Variants in NR1H4 observed in about 807,000 individuals in gnomAD.
The protein encoded by NR1H4 is bile acid receptor.
A neutral mutation model predicts 58.5 loss-of-function variants in NR1H4; 23 were observed. The ratio of observed to expected loss-of-function variants is 0.39; its 90% CI spans 0.28 to 0.56. NR1H4 has a LOEUF of 0.56. Among genes scored for constraint, NR1H4 ranks in the 20% least tolerant of loss-of-function variants. NR1H4 has a pLI of 0.58. For missense variants in NR1H4, 487 were observed against 576.9 expected, an observed-to-expected ratio of 0.84 and a Z score of 1.60; for synonymous variants, 214 against 198.0, an observed-to-expected ratio of 1.08 and a Z score of -0.68.
At position 100,513,937 on chromosome 12, in the gene NR1H4, T is replaced by C. The variant is rs73378099; in HGVS notation, c.445+2794T>C. Reference sequence around the variant, plus strand: ...TTAAAATAAACAAAAATAAAACTTCTACAGTTAGGTTTGAGAAACCAACTG... The same window carrying C: ...TTAAAATAAACAAAAATAAAACTTCCACAGTTAGGTTTGAGAAACCAACTG... On this transcript the variant is annotated intron_variant, in intron 4 of 10. Transcript: ENST00000392986. 3.8e-3 allele frequency among the ~76,000 whole-genome samples: 586 copies of C among 152,300 alleles called. 6 individuals carry two copies. The highest frequency in any genetic ancestry group is 0.013 in the African/African-American group (560 of 41,556).
intron 8 of NR1H4, 140 bp downstream of exon 8, chr12:100,537,187 C>T: frequency 1.6e-6 from 1 of 627,446 alleles, no homozygotes; most frequent in South Asian, 2.1e-5. Context: ...ATTACTTTGC[C>T]AAGTATTTTC....
At chr12:100,498,818 G>C (rs1953771731) in intron 3 of NR1H4, among the ~76,000 whole-genome samples, 1 of 152,178 alleles carries the variant, frequency 6.6e-6, no homozygotes, top group Non-Finnish European at 1.5e-5. Context: ...AGTGTCAGGA[G>C]GTAGATCCTA....
chr12:100,546,132 G>A (rs898649838), intron 9 of NR1H4, among the ~76,000 whole-genome samples: 15 of 152,128 alleles, frequency 9.9e-5, no homozygotes, highest in Admixed American at 7.9e-4. Flanking sequence ...GCAGCTGGAG[G>A]CTATCAGCCA....
At chr12:100,517,432 T>C (rs143617423) in intron 4 of NR1H4, among the ~76,000 whole-genome samples, 315 of 152,342 alleles carry the variant, frequency 2.1e-3, no homozygotes, top group Non-Finnish European at 3.4e-3. Context: ...CAGTCATCCA[T>C]TGATGAACGC....
At chr12:100,511,650 G>A (rs936177758) in intron 4 of NR1H4, among the ~76,000 whole-genome samples, 2 of 152,194 alleles carry the variant, frequency 1.3e-5, no homozygotes, top group Non-Finnish European at 2.9e-5. Context: ...AACTTGGCAT[G>A]GTGGCTCATG....
At chr12:100,529,839 T>C (rs767470905) in intron 4 of NR1H4, among the ~76,000 whole-genome samples, 85 of 152,228 alleles carry the variant, frequency 5.6e-4, no homozygotes, top group Non-Finnish European at 8.4e-4. Context: ...CATATTATAC[T>C]TATCTTGCTA....
intron 4 of NR1H4, among the ~76,000 whole-genome samples, chr12:100,515,144 G>A (rs2148670): frequency 0.15 from 21,127 of 141,754 alleles, 3,427 homozygotes; most frequent in East Asian, 0.45. Context: ...TATGAAGTTT[G>A]CCTTTGCCAT....
chr12:100,498,364 C>T (rs985404438), intron 3 of NR1H4, among the ~76,000 whole-genome samples: 3 of 152,122 alleles, frequency 2.0e-5, no homozygotes, highest in Non-Finnish European at 2.9e-5. Context: ...TAAGGCTGGG[C>T]GCGGGGGCTC....
chr12:100,559,311 A>C (rs1260543606), intron 9 of NR1H4, among the ~76,000 whole-genome samples: 1 of 152,118 alleles, frequency 6.6e-6, no homozygotes, highest in Non-Finnish European at 1.5e-5. Context: ...CCACCACTGC[A>C]CTGTGGGAGC....
Position 100,535,001 on chromosome 12 carries a change from C to T in NR1H4, c.710C>T (p.Thr237Ile). 6.2e-7 allele frequency: 1 copy of T among 1,614,172 alleles called. No homozygotes were observed. The highest frequency in any genetic ancestry group is 8.5e-7 in the Non-Finnish European group (1 of 1,180,036). The part of the protein sequence containing the change: ...DSEGRDLRQV[T>I]STTKSCREKT... ...GAAGGTCGTGACTTGCGACAAGTGA[C>T]CTCGACAACAAAGTCATGCAGGGTA... The change falls in exon 6 of 11, where the codon ACC becomes ATC. Residue 237 changes from threonine to isoleucine, a missense_variant. Thr to Ile is a moderately conservative substitution (Grantham distance 89). Transcript: ENST00000392986.
intron 9 of NR1H4, among the ~76,000 whole-genome samples, chr12:100,541,321 G>T (rs1289877799): frequency 1.4e-5 from 2 of 146,952 alleles, no homozygotes; most frequent in Admixed American, 6.8e-5. Flanking sequence ...CTTGCTCTTT[G>T]CCCAGGCTGG....
intron 4 of NR1H4, among the ~76,000 whole-genome samples, chr12:100,521,789 A>G (rs1207663112): frequency 1.3e-5 from 2 of 152,198 alleles, no homozygotes; most frequent in African/African-American, 4.8e-5. Flanking sequence ...GCTGACCTAT[A>G]TATAAACTTA....
At chr12:100,511,371 T>C (rs570346778) in intron 4 of NR1H4, among the ~76,000 whole-genome samples, 16 of 152,234 alleles carry the variant, frequency 1.1e-4, no homozygotes, top group African/African-American at 3.6e-4. Flanking sequence ...TAGCTTAGAG[T>C]GTTTAGCTTT....
chr12:100,510,941 C>T lies in NR1H4; in HGVS notation c.243C>T (p.Tyr81=). The T allele has an allele frequency of 1.9e-6, 3 of 1,614,204 alleles. No individual in the cohort carries two copies. The highest frequency in any genetic ancestry group is 8.5e-7 in the Non-Finnish European group (1 of 1,180,028). ...ACCCCCAGCAGCCTGAAGAGTGGTACTCTCCTGGAATATATGAACTCAGGC... is the reference window on the plus strand; with the variant it reads ...ACCCCCAGCAGCCTGAAGAGTGGTATTCTCCTGGAATATATGAACTCAGGC... The part of the protein sequence containing the change: ...GFYPQQPEEW[Y]SPGIYELRRM... Residue 81 remains tyrosine, a synonymous_variant, in exon 4 of 11, where the codon TAC becomes TAT. Coordinates refer to ENST00000392986, the MANE Select transcript of NR1H4 (RefSeq NM_001206979.2).
intron 4 of NR1H4, among the ~76,000 whole-genome samples, chr12:100,529,075 G>A (rs1349523134): frequency 6.6e-6 from 1 of 152,150 alleles, no homozygotes; most frequent in Non-Finnish European, 1.5e-5. Flanking sequence ...ACACTGATCT[G>A]CAGCACAAAG....
rs1257486863 is a variant in NR1H4, at chr12:100,510,846, A to G, written c.148A>G (p.Ser50Gly). The G allele has an allele frequency of 6.2e-7, 1 of 1,614,146 alleles. No homozygotes were observed. The highest frequency in any genetic ancestry group is 1.1e-5 in the South Asian group (1 of 91,078). The stretch of plus-strand genomic sequence containing the variant: ...GGAAGTGGAACCATACTCGCAATAC[A>G]GCAATGTTCAGTTTCCCCAAGTTCA... ...NLEVEPYSQY[S>G]NVQFPQVQPQ... Residue 50 changes from serine (S) to glycine (G), a missense_variant, in exon 4 of 11, where the codon AGC becomes GGC. By Grantham distance (56) the Ser-to-Gly change is moderately conservative (BLOSUM62 0). Transcript: ENST00000392986.
At chr12:100,495,602 A>G (rs528453724) in intron 3 of NR1H4, among the ~76,000 whole-genome samples, 7 of 151,840 alleles carry the variant, frequency 4.6e-5, no homozygotes, top group Non-Finnish European at 8.8e-5. Context: ...GTGGTGGTGC[A>G]TGCCTATAAT....
chr12:100,507,187 G>A (rs1953986891), intron 3 of NR1H4, among the ~76,000 whole-genome samples: 1 of 152,260 alleles, frequency 6.6e-6, no homozygotes, highest in East Asian at 1.9e-4. Context: ...GGAGTTAAGG[G>A]AATAAGATAG....
intron 3 of NR1H4, among the ~76,000 whole-genome samples, chr12:100,493,955 T>A (rs1354274928): frequency 1.3e-5 from 2 of 152,210 alleles, no homozygotes; most frequent in Non-Finnish European, 2.9e-5. Flanking sequence ...TGCTCCACTT[T>A]ATGCATTTAT....
Sources: allele counts gnomAD v4.1 joint callset (sites outside exome capture counted in the v4.1 genomes callset), GRCh38; gene constraint gnomAD v4.1.1; transcripts MANE v1.5; gene names NCBI Gene and HGNC (gene_info 2026-07-23, HGNC 2026-07-21).